Variants in DMD observed in about 807,000 individuals in gnomAD.
The protein encoded by DMD is dystrophin, also known as mutant dystrophin.
Under a neutral mutation model 330.1 loss-of-function variants are expected in DMD, and 63 were observed. That is an observed-to-expected ratio of 0.19 (90% CI 0.16 to 0.24). The LOEUF (loss-of-function observed/expected upper bound fraction) is 0.24. Among genes scored for constraint, DMD ranks in the 10% least tolerant of loss-of-function variants. The pLI is 1.00. For missense variants in DMD, 3,344 were observed against 2,684.1 expected (o/e 1.25, Z -5.43); for synonymous variants, 1,223 against 959.8 (o/e 1.27, Z -5.07).
At chrX:31,880,750 T>C (rs181016324) in intron 47 of DMD, among the ~76,000 whole-genome samples, 69 of 112,368 alleles carry the variant, frequency 6.1e-4, no homozygotes, top group Middle Eastern at 4.6e-3. Context: ...TGCAATGAAT[T>C]ACTCTCACGT....
intron 55 of DMD, among the ~76,000 whole-genome samples, chrX:31,524,799 G>A (rs1241759799): frequency 9.0e-6 from 1 of 111,344 alleles, no homozygotes; most frequent in African/African-American, 3.3e-5. Flanking sequence ...GAGAAGCTGA[G>A]CTCCTTATGT....
rs978603559 is a variant in DMD at position 32,569,958 on chromosome X, T to C, written c.1812+3572A>G. Among the ~76,000 whole-genome samples, 3 of 111,755 alleles carry C rather than the reference T, an allele frequency of 2.7e-5. No homozygotes were observed. In the Admixed American group the frequency reaches 2.9e-4, roughly 11 times the overall value. ...ACCTCATAAAAGCTACTGTTTCTTCTTTCCCTTCATTTTTATCCCTGATGC... is the reference window on the plus strand; with the variant it reads ...ACCTCATAAAAGCTACTGTTTCTTCCTTCCCTTCATTTTTATCCCTGATGC... On this transcript the variant is annotated intron_variant, in intron 15 of 78. Transcript: ENST00000357033.
intron 60 of DMD, among the ~76,000 whole-genome samples, chrX:31,381,194 C>A (rs765873952): frequency 5.4e-5 from 6 of 111,241 alleles, no homozygotes; most frequent in African/African-American, 2.0e-4. Context: ...AGACTGCTCC[C>A]ACCCGAGCTC....
At chrX:33,279,484 C>T (rs1303806668) in intron 1 of DMD, among the ~76,000 whole-genome samples, 1 of 108,771 alleles carries the variant, frequency 9.2e-6, no homozygotes, top group African/African-American at 3.4e-5. Flanking sequence ...TATCAAGGGA[C>T]TTTTTTGTGT....
At chrX:31,991,248 A>G (rs1387683782) in intron 44 of DMD, among the ~76,000 whole-genome samples, 1 of 111,749 alleles carries the variant, frequency 8.9e-6, no homozygotes, top group African/African-American at 3.3e-5. Flanking sequence ...GATAAATGTT[A>G]TTTTTATGGC....
chrX:31,372,298 A>T (rs979253844), intron 60 of DMD, among the ~76,000 whole-genome samples: 1 of 112,303 alleles, frequency 8.9e-6, no homozygotes, highest in Non-Finnish European at 1.9e-5. Flanking sequence ...GGCATAGAGT[A>T]CAAGTAGAAA....
At chrX:31,879,936 A>G (rs1404059209) in intron 47 of DMD, among the ~76,000 whole-genome samples, 1 of 112,388 alleles carries the variant, frequency 8.9e-6, no homozygotes, top group Non-Finnish European at 1.9e-5. Flanking sequence ...TTTATGTATT[A>G]TAAAACCATG....
intron 18 of DMD, among the ~76,000 whole-genome samples, chrX:32,510,980 G>A (rs1172519192): frequency 9.1e-6 from 1 of 109,367 alleles, no homozygotes; most frequent in Non-Finnish European, 1.9e-5. Context: ...CTCTCTCTAT[G>A]TGTGTGTATG....
At chrX:31,625,179 T>C (rs115167286) in intron 55 of DMD, among the ~76,000 whole-genome samples, 2,529 of 112,410 alleles carry the variant, frequency 0.022, 72 homozygotes, top group African/African-American at 0.077. Flanking sequence ...AGTGGATTTA[T>C]AGAAAATACA....
At chrX:31,704,454 C>T (rs1252414157) in intron 52 of DMD, among the ~76,000 whole-genome samples, 1 of 111,205 alleles carries the variant, frequency 9.0e-6, no homozygotes, top group Non-Finnish European at 1.9e-5. Context: ...AAACAGAATT[C>T]CCATAGTAAA....
intron 55 of DMD, among the ~76,000 whole-genome samples, chrX:31,514,748 T>C (rs2072014483): frequency 8.9e-6 from 1 of 112,316 alleles, no homozygotes; most frequent in Non-Finnish European, 1.9e-5. Context: ...GAAATAGATT[T>C]CATGAAGTTA....
intron 34 of DMD, among the ~76,000 whole-genome samples, chrX:32,369,228 G>C (rs1477618142): frequency 1.8e-5 from 2 of 111,586 alleles, no homozygotes; most frequent in African/African-American, 6.5e-5. Flanking sequence ...CAAATTTGCT[G>C]TCTACTTCTT....
chrX:31,249,929 C>G (rs1356276573), intron 63 of DMD, among the ~76,000 whole-genome samples: 18 of 111,614 alleles, frequency 1.6e-4, no homozygotes, highest in African/African-American at 5.9e-4. Flanking sequence ...CTAATCCTCA[C>G]AACACAAGAT....
At chrX:33,089,752 C>G (rs749420834) in intron 1 of DMD, among the ~76,000 whole-genome samples, 1 of 110,694 alleles carries the variant, frequency 9.0e-6, no homozygotes, top group Non-Finnish European at 1.9e-5. Context: ...TTATTCTTCA[C>G]GGTAAGATAC....
chrX:33,246,388 G>A (rs747818440), intron 1 of DMD, among the ~76,000 whole-genome samples: 6 of 111,104 alleles, frequency 5.4e-5, no homozygotes, highest in African/African-American at 1.6e-4. Context: ...CAGTGATATC[G>A]TTGCCTTCCT....
intron 11 of DMD, among the ~76,000 whole-genome samples, chrX:32,615,579 G>C (rs2057498296): frequency 9.0e-6 from 1 of 111,213 alleles, no homozygotes; most frequent in Non-Finnish European, 1.9e-5. Context: ...TCTGAACATT[G>C]ATCTTATAAT....
At chrX:33,083,364 G>A (rs1030135688) in intron 1 of DMD, among the ~76,000 whole-genome samples, 1 of 111,966 alleles carries the variant, frequency 8.9e-6, no homozygotes, top group African/African-American at 3.2e-5. Context: ...ACCTCTTTCC[G>A]CACCCAATAT....
chrX:32,262,632 G>A (rs1052685488), intron 43 of DMD, among the ~76,000 whole-genome samples: 3 of 107,518 alleles, frequency 2.8e-5, no homozygotes, highest in East Asian at 3.0e-4. Flanking sequence ...TTACCGTAGC[G>A]AACACTGTGG....
chrX:31,289,266 T>A (rs374155954), intron 62 of DMD, among the ~76,000 whole-genome samples: 6,605 of 54,259 alleles, frequency 0.12, 939 homozygotes, highest in African/African-American at 0.32. Flanking sequence ...AAAAAAAAAA[T>A]AAAAAATAAA....
Sources: allele counts gnomAD v4.1 joint callset (sites outside exome capture counted in the v4.1 genomes callset), GRCh38; gene constraint gnomAD v4.1.1; transcripts MANE v1.5; gene names NCBI Gene and HGNC (gene_info 2026-07-23, HGNC 2026-07-21).